The following CSGALNACT1 variants were observed in gnomAD, a reference collection of about 807,000 sequenced individuals.
The protein encoded by CSGALNACT1 is beta4GalNAcT-1.
A neutral mutation model predicts 51.0 loss-of-function variants in CSGALNACT1; 52 were observed. That is an observed-to-expected ratio of 1.02 (90% CI 0.82 to 1.29). CSGALNACT1 has a LOEUF of 1.29. CSGALNACT1 is among the 50% of genes most tolerant of loss of function. CSGALNACT1 has a pLI of 0.00. For synonymous variants in CSGALNACT1, 341 were observed against 254.4 expected (o/e 1.34, Z -3.24); for missense variants, 935 against 679.2 (o/e 1.38, Z -4.19).
intron 2 of CSGALNACT1, among the ~76,000 whole-genome samples, chr8:19,591,474 A>C (rs2047805185): frequency 6.6e-6 from 1 of 152,226 alleles, no homozygotes; most frequent in Non-Finnish European, 1.5e-5. Flanking sequence ...TTGGGCGTTT[A>C]TATTCATCCA....
chr8:19,634,602 C>T (rs1403527076), intron 1 of CSGALNACT1, among the ~76,000 whole-genome samples: 1 of 152,132 alleles, frequency 6.6e-6, no homozygotes, highest in African/African-American at 2.4e-5. Flanking sequence ...GTCTAGGCTG[C>T]AGTGAGCCAT....
chr8:19,575,095 G>C (rs1050922183), intron 3 of CSGALNACT1, among the ~76,000 whole-genome samples: 1 of 152,090 alleles, frequency 6.6e-6, no homozygotes, highest in Non-Finnish European at 1.5e-5. Context: ...TGTGGGACTG[G>C]TTCTCAAAAC....
At chr8:19,563,256 G>A (rs1429986820) in intron 3 of CSGALNACT1, among the ~76,000 whole-genome samples, 2 of 152,044 alleles carry the variant, frequency 1.3e-5, no homozygotes, top group African/African-American at 2.4e-5. Context: ...GGAGGGGAAC[G>A]ACACACAATC....
At chr8:19,423,912 C>T (rs1216721261) in intron 6 of CSGALNACT1, among the ~76,000 whole-genome samples, 2 of 152,204 alleles carry the variant, frequency 1.3e-5, no homozygotes, top group African/African-American at 4.8e-5. Context: ...AAGTGGTACC[C>T]AGCTCTGTCC....
Position 19,630,220 on chromosome 8 carries a change from GTGTGTGTGTGTGTGTGTGTGTGTA to G in CSGALNACT1, c.-543-28379_-543-28356del, listed in dbSNP as rs1263541384. 7.3e-5 allele frequency among the ~76,000 whole-genome samples: 11 copies of G among 150,146 alleles called. No individual in the cohort carries two copies. The South Asian group carries it at 8.4e-4, about 11-fold the overall frequency. ...TGTGTGTGTGTGTGTGTGTGTGTGT[GTGTGTGTGTGTGTGTGTGTGTGTA>G]TGTGTGTGTGTTCTAGTAAAATTTT... is the stretch of plus-strand genomic sequence containing the variant. On this transcript the variant is annotated intron_variant, in intron 1 of 9. Coordinates refer to the CSGALNACT1 transcript ENST00000332246.
intron 1 of CSGALNACT1, among the ~76,000 whole-genome samples, chr8:19,752,101 T>C (rs888787503): frequency 2.2e-5 from 2 of 88,928 alleles, no homozygotes; most frequent in African/African-American, 9.4e-5. Flanking sequence ...ATGATATACA[T>C]TATTATATTA....
intron 4 of CSGALNACT1, among the ~76,000 whole-genome samples, chr8:19,491,828 C>A (rs2074418580): frequency 6.6e-6 from 1 of 152,214 alleles, no homozygotes; most frequent in Non-Finnish European, 1.5e-5. Context: ...AAATTCGGTA[C>A]ATAATTCAAG....
chr8:19,729,589 G>A (rs918302438), intron 1 of CSGALNACT1, among the ~76,000 whole-genome samples: 2 of 152,186 alleles, frequency 1.3e-5, no homozygotes, highest in Admixed American at 1.3e-4. Flanking sequence ...TTTTAACTTA[G>A]AGAGCCTAGG....
At chr8:19,461,602 G>A (rs1156944441) in intron 4 of CSGALNACT1, among the ~76,000 whole-genome samples, 3 of 124,152 alleles carry the variant, frequency 2.4e-5, no homozygotes, top group South Asian at 2.7e-4. Context: ...TATCCGCACA[G>A]CGGCCACATT....
intron 1 of CSGALNACT1, among the ~76,000 whole-genome samples, chr8:19,744,978 G>A (rs927248980): frequency 1.2e-4 from 18 of 152,154 alleles, no homozygotes; most frequent in African/African-American, 2.4e-4. Context: ...CCACTGCCAC[G>A]TAACGTATTA....
At chr8:19,567,148 C>G (rs1391247899) in intron 3 of CSGALNACT1, among the ~76,000 whole-genome samples, 1 of 152,304 alleles carries the variant, frequency 6.6e-6, no homozygotes, top group African/African-American at 2.4e-5. Context: ...ACTGAAAAGA[C>G]TCAAGCCTAG....
intron 3 of CSGALNACT1, among the ~76,000 whole-genome samples, chr8:19,522,222 A>G (rs1463256062): frequency 6.6e-6 from 1 of 152,212 alleles, no homozygotes; most frequent in Non-Finnish European, 1.5e-5. Flanking sequence ...CATGGACATC[A>G]CTTTGCTGAT....
intron 6 of CSGALNACT1, among the ~76,000 whole-genome samples, chr8:19,426,051 C>T (rs1310992415): frequency 6.6e-6 from 1 of 152,230 alleles, no homozygotes; most frequent in East Asian, 1.9e-4. Context: ...ACTCCACAGG[C>T]TTCAAGGACA....
At chr8:19,724,768 A>G (rs2063304215) in intron 1 of CSGALNACT1, among the ~76,000 whole-genome samples, 1 of 152,230 alleles carries the variant, frequency 6.6e-6, no homozygotes, top group African/African-American at 2.4e-5. Flanking sequence ...CTTGAGTCCC[A>G]CAGCCTTGTG....
chr8:19,578,567 C>G (rs77588670), intron 3 of CSGALNACT1, among the ~76,000 whole-genome samples: 6,238 of 152,228 alleles, frequency 0.041, 434 homozygotes, highest in African/African-American at 0.14. Context: ...AGATTCTGAA[C>G]TGCTTTACTG....
In CSGALNACT1 at chr8:19,500,629, C is replaced by T. The variant is rs118033624; in HGVS notation, c.634+4572G>A. ...CCTTACAGGCTACTTAGTGATACAC[C>T]GACAAGTGAAGTAAAAAACTCACTA... On this transcript the variant is annotated intron_variant, in intron 4 of 9. Transcript: ENST00000454498. 4.8e-4 allele frequency among the ~76,000 whole-genome samples: 73 copies of T among 152,220 alleles called. No homozygotes were observed. In the East Asian group the frequency reaches 0.013, roughly 27 times the overall value.
At chr8:19,528,489 C>G (rs758897621) in intron 3 of CSGALNACT1, among the ~76,000 whole-genome samples, 19 of 152,140 alleles carry the variant, frequency 1.2e-4, no homozygotes, top group Non-Finnish European at 1.9e-4. Flanking sequence ...ACCAAACACC[C>G]CCTTTTCTTG....
chr8:19,635,780 T>C, intron 1 of CSGALNACT1, among the ~76,000 whole-genome samples: 1 of 152,178 alleles, frequency 6.6e-6, no homozygotes, highest in Non-Finnish European at 1.5e-5. Flanking sequence ...CAGGCTGGTG[T>C]GTAGTGGCGT....
At chr8:19,410,605 A>T (rs1166940075) in intron 8 of CSGALNACT1, among the ~76,000 whole-genome samples, 1 of 152,230 alleles carries the variant, frequency 6.6e-6, no homozygotes, top group East Asian at 1.9e-4. Context: ...AGAGGGAGGC[A>T]TCCAGAGACT....
Sources: allele counts gnomAD v4.1 joint callset (sites outside exome capture counted in the v4.1 genomes callset), GRCh38; gene constraint gnomAD v4.1.1; transcripts MANE v1.5; gene names NCBI Gene and HGNC (gene_info 2026-07-23, HGNC 2026-07-21).